Variants in PPP2R2B observed in about 807,000 individuals in gnomAD.
PPP2R2B encodes serine/threonine-protein phosphatase 2A 55 kDa regulatory subunit B beta isoform.
In PPP2R2B, 5 loss-of-function variants were observed where a neutral mutation model predicts 46.0. The ratio of observed to expected loss-of-function variants is 0.11; its 90% CI spans 0.06 to 0.23. The LOEUF (loss-of-function observed/expected upper bound fraction) is 0.23, where lower values mean the gene tolerates loss of function less well. PPP2R2B is among the 10% of genes least tolerant of loss of function. The pLI, the probability that PPP2R2B is intolerant of heterozygous loss-of-function variation, is 1.00. For missense variants in PPP2R2B, 367 were observed against 575.0 expected (o/e 0.64, Z 3.70); for synonymous variants, 215 against 206.7 (o/e 1.04, Z -0.34).
At chr5:146,812,791 GTGTATATATATATATATA>G (rs1323901193) in intron 2 of PPP2R2B, among the ~76,000 whole-genome samples, 1 of 9,946 alleles carries the variant, frequency 1.0e-4, no homozygotes, top group African/African-American at 3.8e-4. Flanking sequence ...GTGTATATGT[GTGTATATATATATATATA>G]TATATATATA....
chr5:146,651,813 T>C (rs2151095675), intron 5 of PPP2R2B, among the ~76,000 whole-genome samples: 1 of 152,308 alleles, frequency 6.6e-6, no homozygotes, highest in African/African-American at 2.4e-5. Context: ...TCAACCCAGG[T>C]GGCGAGGAGA....
At chr5:146,945,164 A>T (rs1764441707) in intron 1 of PPP2R2B, among the ~76,000 whole-genome samples, 1 of 152,182 alleles carries the variant, frequency 6.6e-6, no homozygotes, top group African/African-American at 2.4e-5. Context: ...CCTACACACT[A>T]TACTATCTAG....
At chr5:146,955,207 A>G (rs1203567943) in intron 1 of PPP2R2B, among the ~76,000 whole-genome samples, 1 of 152,224 alleles carries the variant, frequency 6.6e-6, no homozygotes, top group Non-Finnish European at 1.5e-5. Context: ...CAGAATAATT[A>G]AAAGCCCCCA....
upstream of PPP2R2B, among the ~76,000 whole-genome samples, chr5:146,879,365 A>C (rs1762087766): frequency 6.6e-6 from 1 of 152,182 alleles, no homozygotes; most frequent in Admixed American, 6.5e-5. Context: ...CTGTGTCTAC[A>C]CAGGTGGAGG....
intron 6 of PPP2R2B, among the ~76,000 whole-genome samples, chr5:146,641,557 T>G (rs1186721944): frequency 1.4e-5 from 2 of 147,878 alleles, no homozygotes; most frequent in Non-Finnish European, 3.0e-5. Context: ...ACAAGCCTGA[T>G]AAGGGATTAT....
At chr5:147,063,939 CT>C (rs1478904589) in intron 2 of PPP2R2B, among the ~76,000 whole-genome samples, 1 of 152,190 alleles carries the variant, frequency 6.6e-6, no homozygotes, top group African/African-American at 2.4e-5. Flanking sequence ...CAGTTTTCCT[CT>C]TGATTCTGAG....
At chr5:146,941,206 C>G (rs1764311261) in intron 1 of PPP2R2B, among the ~76,000 whole-genome samples, 1 of 152,158 alleles carries the variant, frequency 6.6e-6, no homozygotes, top group Non-Finnish European at 1.5e-5. Context: ...CACTCCTCCT[C>G]CCACCCTTTC....
At position 146,851,259 on chromosome 5, in the gene PPP2R2B, G is replaced by A. The variant is rs545160067; in HGVS notation, c.70+26743C>T. Among the ~76,000 whole-genome samples the A allele has an allele frequency of 2.6e-5, 4 of 152,048 alleles. No individual in the cohort carries two copies. In the East Asian group the frequency reaches 7.7e-4, roughly 29 times the overall value. ...TATTGGGCTCAAGCTCTCATCATTG[G>A]CCTTGGATTTCATTCAACATTTAAC... On this transcript the variant is annotated intron_variant, in intron 2 of 9. Coordinates refer to ENST00000394411, the MANE Select transcript of PPP2R2B (RefSeq NM_181675.4).
chr5:146,757,389 G>T (rs1228268425), intron 2 of PPP2R2B, among the ~76,000 whole-genome samples: 2 of 152,106 alleles, frequency 1.3e-5, no homozygotes, highest in Middle Eastern at 3.2e-3. Flanking sequence ...TGCCATGTAG[G>T]GTGAGGATTG....
Position 147,048,126 on chromosome 5 carries a change from G to C in PPP2R2B, c.79+7539C>G, listed in dbSNP as rs796981118. On this transcript the variant is annotated intron_variant, in intron 1 of 8. Coordinates refer to the PPP2R2B transcript ENST00000336640. ...CGCATAGCCAGGGTTAAAACCTACT[G>C]TTAGAGTTGTGTGCGTATGCATTTT... 6.6e-5 allele frequency among the ~76,000 whole-genome samples: 10 copies of C among 152,278 alleles called. No homozygotes were observed. In the East Asian group the frequency reaches 1.7e-3, roughly 26 times the overall value.
chr5:146,955,602 T>C (rs1184193177), intron 1 of PPP2R2B, among the ~76,000 whole-genome samples: 1 of 152,014 alleles, frequency 6.6e-6, no homozygotes. Context: ...CCAAGAGAAG[T>C]GCTCTTCTGA....
rs34269274 is a variant in PPP2R2B, at chr5:146,832,379, C to CTTTTTTTT, written c.70+45615_70+45622dup. 5.6e-4 allele frequency among the ~76,000 whole-genome samples: 39 copies of CTTTTTTTT among 70,192 alleles called. 1 individual carries two copies. Among genetic ancestry groups the CTTTTTTTT allele is most frequent in the Non-Finnish European group, 8.0e-4 (30 of 37,378 alleles). The allele number at this position is 70,192 out of a possible 152,430, so 46.0% of individuals were successfully genotyped here. ...CACAAGTAAGTGTGCCATTTTTAATCTTTTTTTTTTTTTTTTTTTTTTTTT... is the reference window on the plus strand; with the variant it reads ...CACAAGTAAGTGTGCCATTTTTAATCTTTTTTTTTTTTTTTTTTTTTTTTTTTTTTTTT... On this transcript the variant is annotated intron_variant, in intron 2 of 9. Transcript: ENST00000394411.
chr5:147,029,122 T>C (rs1755662867), intron 1 of PPP2R2B, among the ~76,000 whole-genome samples: 1 of 152,210 alleles, frequency 6.6e-6, no homozygotes, highest in African/African-American at 2.4e-5. Context: ...TTAACTCCTT[T>C]TTTTGATGAA....
At chr5:146,707,870 A>G (rs1345156620) in intron 2 of PPP2R2B, among the ~76,000 whole-genome samples, 2 of 152,180 alleles carry the variant, frequency 1.3e-5, no homozygotes, top group Non-Finnish European at 2.9e-5. Context: ...CCAAAATTGT[A>G]CTTTTTGGTG....
rs537143947 is a variant in PPP2R2B, at chr5:146,789,553, G to A, written c.71-88411C>T. The stretch of plus-strand genomic sequence containing the variant: ...TACTTGGAAAACACTGTTGATTTAC[G>A]CAAAGACATTTACTGAGCATTTACT... On this transcript the variant is annotated intron_variant, in intron 2 of 9. Coordinates refer to ENST00000394411, the MANE Select transcript of PPP2R2B (RefSeq NM_181675.4). Among the ~76,000 whole-genome samples the A allele has an allele frequency of 9.9e-4, 150 of 152,092 alleles. 1 individual carries two copies. The highest frequency in any genetic ancestry group is 3.5e-3 in the African/African-American group (145 of 41,500).
intron 2 of PPP2R2B, among the ~76,000 whole-genome samples, chr5:146,761,897 A>G (rs1044813244): frequency 1.1e-4 from 17 of 152,162 alleles, no homozygotes; most frequent in Non-Finnish European, 2.1e-4. Context: ...CTAATCTAGG[A>G]TGTTTGTCAG....
intron 1 of PPP2R2B, among the ~76,000 whole-genome samples, chr5:147,040,096 C>T (rs1208275480): frequency 1.3e-5 from 2 of 152,094 alleles, no homozygotes; most frequent in Non-Finnish European, 2.9e-5. Context: ...AGTGAAGATG[C>T]CTTTCTTCTT....
rs71001408 is a variant in PPP2R2B at position 146,900,587 on chromosome 5, C to CTTCCTTCATTCCTTCCTTCCTTCT, written c.79+155077_79+155078insAGAAGGAAGGAAGGAATGAAGGAA. On this transcript the variant is annotated intron_variant, in intron 1 of 8. Transcript: ENST00000336640. ...CCTTCCTTCCTTCCTTCCTTCCTTC[C>CTTCCTTCATTCCTTCCTTCCTTCT]TTCCTTCTTTCCTTCTTTTCTTTCT... Among the ~76,000 whole-genome samples the CTTCCTTCATTCCTTCCTTCCTTCT allele has an allele frequency of 1.1e-3, 123 of 112,324 alleles. 2 individuals are homozygous for CTTCCTTCATTCCTTCCTTCCTTCT. Among genetic ancestry groups the CTTCCTTCATTCCTTCCTTCCTTCT allele is most frequent in the South Asian group, 2.4e-3 (7 of 2,928 alleles). The allele number at this position is 112,324 out of a possible 152,430, so 73.7% of individuals were successfully genotyped here.
At chr5:146,878,843 T>C (rs948976373), upstream of PPP2R2B, 2 of 1,222,422 alleles carry the variant, frequency 1.6e-6, no homozygotes, top group East Asian at 3.9e-5. This position sits in a 1 kb window ranked among gnomAD's most constrained non-coding sequence, Gnocchi z 4.5. Flanking sequence ...CCAGCAGCAG[T>C]GGTGGCCGAG....
Sources: allele counts gnomAD v4.1 joint callset (sites outside exome capture counted in the v4.1 genomes callset), GRCh38; gene constraint gnomAD v4.1.1; non-coding constraint Gnocchi (gnomAD v3.1); transcripts MANE v1.5; gene names NCBI Gene and HGNC (gene_info 2026-07-23, HGNC 2026-07-21).